Variants in GABRG3 observed in about 807,000 individuals in gnomAD.
GABRG3 encodes gamma-aminobutyric acid receptor subunit gamma-3.
A neutral mutation model predicts 48.8 loss-of-function variants in GABRG3; 25 were observed. That is an observed-to-expected ratio of 0.51 (90% CI 0.37 to 0.72). The LOEUF (loss-of-function observed/expected upper bound fraction) is 0.72. Among genes scored for constraint, GABRG3 ranks in the 30% least tolerant of loss-of-function variants. The probability of loss-of-function intolerance (pLI) is 0.00; values close to 1 mark genes in which losing one functional copy is unlikely to be tolerated. For synonymous variants in GABRG3, 227 were observed against 217.6 expected, an observed-to-expected ratio of 1.04 and a Z score of -0.38; for missense variants, 394 against 577.9, an observed-to-expected ratio of 0.68 and a Z score of 3.26.
intron 3 of GABRG3, among the ~76,000 whole-genome samples, chr15:27,241,141 G>C (rs553804898): frequency 6.6e-6 from 1 of 152,290 alleles, no homozygotes; most frequent in South Asian, 2.1e-4. Context: ...TCTTCCTGAA[G>C]AGGCAACTAT....
At chr15:27,095,264 A>G (rs759631213) in intron 3 of GABRG3, among the ~76,000 whole-genome samples, 1 of 152,194 alleles carries the variant, frequency 6.6e-6, no homozygotes, top group Non-Finnish European at 1.5e-5. Flanking sequence ...AGGCATTTAT[A>G]TGGTTGTTTT....
rs1020362622 is a variant in GABRG3 at position 27,236,984 on chromosome 15, G to C, written c.271-89825G>C. Among the ~76,000 whole-genome samples, 3 of 152,200 alleles carry C rather than the reference G, an allele frequency of 2.0e-5. No individual in the cohort carries two copies. In the South Asian group the frequency reaches 6.2e-4, roughly 32 times the overall value. On this transcript the variant is annotated intron_variant, in intron 3 of 9. Transcript: ENST00000615808. This position sits in a 1 kb window ranked among gnomAD's most constrained non-coding sequence, Gnocchi z 4.4. Reference sequence around the variant, plus strand: ...GTTATGCTTCCCAGCCTGCAGGACGGCCACCCGTATGAAATAAAGCTCTCC... The same window carrying C: ...GTTATGCTTCCCAGCCTGCAGGACGCCCACCCGTATGAAATAAAGCTCTCC...
At position 27,171,575 on chromosome 15, in the gene GABRG3, T is replaced by TAG. The variant is rs139559244; in HGVS notation, c.270+144766_270+144767dup. ...ATATATGTATATGTATATATATATA[T>TAG]AGAGAGAGAGAGATGCTATACCAAC... On this transcript the variant is annotated intron_variant, in intron 3 of 9. Transcript: ENST00000615808. Among the ~76,000 whole-genome samples the TAG allele has an allele frequency of 3.3e-4, 49 of 148,550 alleles. 1 individual carries two copies. The highest frequency in any genetic ancestry group is 3.6e-3 in the Middle Eastern group (1 of 278).
chr15:27,049,419 A>T lies in GABRG3; in HGVS notation c.270+22598A>T, dbSNP rs1368431759. Among the ~76,000 whole-genome samples the T allele has an allele frequency of 2.0e-5, 3 of 152,248 alleles. No homozygotes were observed. The East Asian group carries it at 5.8e-4, about 29-fold the overall frequency. On this transcript the variant is annotated intron_variant, in intron 3 of 9. Transcript: ENST00000615808. ...GTCTGTGCTTCACACTGTTTGTATT[A>T]GTTTCTTCCAGTTTCTAATCTTACT...
chr15:27,189,532 C>G (rs1888222750), intron 3 of GABRG3, among the ~76,000 whole-genome samples: 1 of 151,088 alleles, frequency 6.6e-6, no homozygotes, highest in Admixed American at 6.6e-5. Flanking sequence ...CTCTGTTTGT[C>G]TGTTATTGGT....
Position 27,533,487 on chromosome 15 carries a change from C to T in GABRG3, c.*606C>T, listed in dbSNP as rs968552159. On this transcript the variant is annotated 3_prime_UTR_variant, in exon 10 of 10. Transcript: ENST00000615808. The stretch of plus-strand genomic sequence containing the variant: ...GTTCTAGGCCTGGGGAGAGTACACT[C>T]GCATTGTCTACGGTTTCCATTGGAG... The T allele has an allele frequency of 2.0e-5, 3 of 152,500 alleles. No homozygotes were observed. The highest frequency in any genetic ancestry group is 2.1e-4 in the South Asian group (1 of 4,816). 9.4% of individuals were successfully genotyped at this position (152,500 alleles called of 1,614,324 possible).
intron 3 of GABRG3, among the ~76,000 whole-genome samples, chr15:27,306,798 TACA>T (rs1892520594): frequency 1.4e-4 from 14 of 97,114 alleles, no homozygotes; most frequent in African/African-American, 5.3e-4. Context: ...TATATAAACA[TACA>T]ATATAAACAT....
intron 3 of GABRG3, among the ~76,000 whole-genome samples, chr15:27,060,541 C>T (rs1004908909): frequency 6.6e-6 from 1 of 152,214 alleles, no homozygotes; most frequent in African/African-American, 2.4e-5. Context: ...CAGATGCATG[C>T]TTTCGTGAGT....
At chr15:27,282,539 C>G (rs1047190302) in intron 3 of GABRG3, among the ~76,000 whole-genome samples, 1 of 152,120 alleles carries the variant, frequency 6.6e-6, no homozygotes, top group Non-Finnish European at 1.5e-5. Flanking sequence ...CTGTCTTTTT[C>G]AGTTCTAACA....
intron 3 of GABRG3, among the ~76,000 whole-genome samples, chr15:27,275,311 G>A (rs1432919281): frequency 6.6e-6 from 1 of 152,120 alleles, no homozygotes; most frequent in Non-Finnish European, 1.5e-5. Flanking sequence ...CTTTCTATAT[G>A]TACCTGCTAT....
intron 5 of GABRG3, among the ~76,000 whole-genome samples, chr15:27,375,449 A>G (rs1895563292): frequency 6.6e-6 from 1 of 152,204 alleles, no homozygotes; most frequent in African/African-American, 2.4e-5. Flanking sequence ...AAAGCATCAG[A>G]CGGAGAGTTG....
chr15:27,484,447 G>A (rs1890172873), intron 6 of GABRG3, among the ~76,000 whole-genome samples: 1 of 152,152 alleles, frequency 6.6e-6, no homozygotes, highest in Non-Finnish European at 1.5e-5. Context: ...TTCATTAAAT[G>A]TTATTAATTA....
intron 5 of GABRG3, among the ~76,000 whole-genome samples, chr15:27,403,926 A>AC (rs1566825965): frequency 1.6e-5 from 2 of 126,826 alleles, no homozygotes; most frequent in Non-Finnish European, 1.6e-5. Flanking sequence ...AAAAAAAAAA[A>AC]AACAAAAAAA....
intron 3 of GABRG3, among the ~76,000 whole-genome samples, chr15:27,099,314 A>G (rs2140363420): frequency 6.6e-6 from 1 of 152,184 alleles, no homozygotes; most frequent in East Asian, 1.9e-4. Context: ...CAGCCTGGGC[A>G]CTTTATTTTC....
At chr15:27,480,906 GACAAA>G in intron 6 of GABRG3, 119 bp downstream of exon 6, 1 of 1,439,758 alleles carries the variant, frequency 6.9e-7, no homozygotes, top group Non-Finnish European at 9.1e-7. Flanking sequence ...TGATATTTGA[GACAAA>G]ACAAGTGATT....
chr15:27,149,464 T>C (rs1898270676), intron 3 of GABRG3, among the ~76,000 whole-genome samples: 1 of 152,152 alleles, frequency 6.6e-6, no homozygotes, highest in African/African-American at 2.4e-5. Context: ...CCTCCTTTTT[T>C]TTGCAGAAAT....
intron 2 of GABRG3, among the ~76,000 whole-genome samples, chr15:26,998,966 G>T (rs556690157): frequency 6.6e-6 from 1 of 151,942 alleles, no homozygotes; most frequent in South Asian, 2.1e-4. Flanking sequence ...TTATTTAAAA[G>T]AGAGCTGCCA....
intron 3 of GABRG3, among the ~76,000 whole-genome samples, chr15:27,160,488 T>C (rs1887138037): frequency 6.6e-6 from 1 of 152,218 alleles, no homozygotes; most frequent in East Asian, 1.9e-4. Flanking sequence ...ATAATTCTTT[T>C]ATTACTTTTC....
At chr15:27,130,341 CA>C (rs1021762554) in intron 3 of GABRG3, among the ~76,000 whole-genome samples, 3 of 152,010 alleles carry the variant, frequency 2.0e-5, no homozygotes, top group Non-Finnish European at 4.4e-5. Flanking sequence ...GAACCTTTGT[CA>C]AAAATCATTT....
Sources: allele counts gnomAD v4.1 joint callset (sites outside exome capture counted in the v4.1 genomes callset), GRCh38; gene constraint gnomAD v4.1.1; non-coding constraint Gnocchi (gnomAD v3.1); transcripts MANE v1.5; gene names NCBI Gene and HGNC (gene_info 2026-07-23, HGNC 2026-07-21).